The following ANKRD22 variants were observed in gnomAD, a reference collection of about 807,000 sequenced individuals.
The protein encoded by ANKRD22 is ankyrin repeat domain-containing protein 22.
In ANKRD22, 24 loss-of-function variants were observed where a neutral mutation model predicts 25.7. The ratio of observed to expected loss-of-function variants is 0.93; its 90% CI spans 0.68 to 1.31. ANKRD22 has a LOEUF of 1.31. Ranked by LOEUF, ANKRD22 falls within the 50% of genes most tolerant of loss-of-function variation. The pLI is 0.00. For missense variants in ANKRD22, 214 were observed against 227.1 expected, an observed-to-expected ratio of 0.94 and a Z score of 0.37; for synonymous variants, 84 against 84.3, an observed-to-expected ratio of 1.00 and a Z score of 0.02.
chr10:88,848,747 G>A (rs765421012), intron 1 of ANKRD22, among the ~76,000 whole-genome samples: 36 of 152,192 alleles, frequency 2.4e-4, no homozygotes, highest in Non-Finnish European at 4.9e-4. Flanking sequence ...TAAAATATAG[G>A]ATTGCTTGAC....
At chr10:88,826,737 G>C (rs1843859576) in intron 3 of ANKRD22, among the ~76,000 whole-genome samples, 1 of 152,052 alleles carries the variant, frequency 6.6e-6, no homozygotes, top group Non-Finnish European at 1.5e-5. Flanking sequence ...ACCTGACCAG[G>C]TGAAATCCCT....
chr10:88,825,841 G>A (rs914985479), intron 4 of ANKRD22, among the ~76,000 whole-genome samples, 197 bp downstream of exon 4: 1 of 152,104 alleles, frequency 6.6e-6, no homozygotes, highest in Admixed American at 6.5e-5. Flanking sequence ...ATAATCAATA[G>A]AGGTATTATT....
chr10:88,838,362 A>G (rs1657608814), intron 1 of ANKRD22, among the ~76,000 whole-genome samples: 1 of 152,188 alleles, frequency 6.6e-6, no homozygotes, highest in African/African-American at 2.4e-5. Flanking sequence ...CATTAAATTC[A>G]GTCTTAATGG....
At chr10:88,849,141 G>A (rs1028803602) in intron 1 of ANKRD22, among the ~76,000 whole-genome samples, 23 of 152,200 alleles carry the variant, frequency 1.5e-4, no homozygotes, top group African/African-American at 5.1e-4. Context: ...GCCTGTGTCT[G>A]CAACTGAAGA....
rs757417542 is a variant in ANKRD22, at chr10:88,826,047, A to G, written c.390T>C (p.Ala130=). ...MLLDAGVEVN[A]TDCYGCTALH... is the part of the protein sequence containing the mutation. ...AAAAGTATAAACTTACACAATCTGTAGCATTAACTTCGACGCCAGCATCAA... is the reference window on the plus strand; with the variant it reads ...AAAAGTATAAACTTACACAATCTGTGGCATTAACTTCGACGCCAGCATCAA... Residue 130 remains alanine (A), a synonymous_variant, in exon 4 of 6, where the codon GCT becomes GCC. Transcript: ENST00000371930. The G allele has an allele frequency of 1.2e-6, 2 of 1,611,152 alleles. No individual in the cohort carries two copies. Among genetic ancestry groups the G allele is most frequent in the Non-Finnish European group, 1.7e-6 (2 of 1,178,164 alleles).
intron 1 of ANKRD22, among the ~76,000 whole-genome samples, chr10:88,839,410 T>C (rs1432235284): frequency 6.6e-6 from 1 of 152,182 alleles, no homozygotes; most frequent in Non-Finnish European, 1.5e-5. Context: ...CCACTGCTGT[T>C]CTGCAAGCTC....
At chr10:88,831,621 C>A (rs1180447736) in intron 2 of ANKRD22, among the ~76,000 whole-genome samples, 1 of 152,162 alleles carries the variant, frequency 6.6e-6, no homozygotes, top group East Asian at 1.9e-4. Flanking sequence ...TAATTTATCA[C>A]AAATTATGCC....
At chr10:88,830,927 C>G (rs1843897585) in intron 2 of ANKRD22, among the ~76,000 whole-genome samples, 1 of 152,230 alleles carries the variant, frequency 6.6e-6, no homozygotes, top group Non-Finnish European at 1.5e-5. Context: ...CCATTCAGCA[C>G]AGGCATGACT....
chr10:88,838,769 C>T (rs1369539743), intron 1 of ANKRD22, among the ~76,000 whole-genome samples: 1 of 152,054 alleles, frequency 6.6e-6, no homozygotes, highest in Non-Finnish European at 1.5e-5. Context: ...GAAATTGAAC[C>T]ATGGTCAAAA....
chr10:88,822,924 C>T lies in ANKRD22; in HGVS notation c.*17G>A, dbSNP rs372849302. 2.8e-5 allele frequency: 44 copies of T among 1,592,552 alleles called. No individual in the cohort carries two copies. The highest frequency in any genetic ancestry group is 4.4e-5 in the South Asian group (4 of 90,360). On this transcript the variant is annotated 3_prime_UTR_variant, in exon 6 of 6. Coordinates refer to ENST00000371930, the MANE Select transcript of ANKRD22 (RefSeq NM_144590.3). ...TCGTTAACTTTTTCTGTATCTCCAT[C>T]GGTGTGGTCACAAGGATTACAATGC...
rs1245207776 is a variant in ANKRD22 at position 88,820,290 on chromosome 10, G to A, written c.*2651C>T. ...ACGGTCCCTACAGCAATGTGGACAG[G>A]AGGTCAGGACTGGCTTTCAAATCCA... On this transcript the variant is annotated 3_prime_UTR_variant, in exon 6 of 6. Coordinates refer to ENST00000371930, the MANE Select transcript of ANKRD22 (RefSeq NM_144590.3). The A allele has an allele frequency of 6.4e-6, 10 of 1,551,946 alleles. No individual in the cohort carries two copies. The Admixed American group carries it at 7.8e-5, about 12-fold the overall frequency.
Position 88,821,567 on chromosome 10 carries a change from T to C in ANKRD22, c.*1374A>G, listed in dbSNP as rs1843794970. ...AGGGTCACCTGGTAGCTCAGCTCAA[T>C]GCCAGTGAATCTTAATTTATTAAGA... On this transcript the variant is annotated 3_prime_UTR_variant, in exon 6 of 6. Transcript: ENST00000371930. Among the ~76,000 whole-genome samples, 1 of 152,232 alleles carries C rather than the reference T, an allele frequency of 6.6e-6. No individual in the cohort carries two copies. The highest frequency in any genetic ancestry group is 6.5e-5 in the Admixed American group (1 of 15,286).
At chr10:88,831,375 A>G (rs1462411534) in intron 2 of ANKRD22, among the ~76,000 whole-genome samples, 1 of 152,208 alleles carries the variant, frequency 6.6e-6, no homozygotes, top group African/African-American at 2.4e-5. Context: ...AAATTTCTCA[A>G]TAGTACTCTT....
At chr10:88,842,749 T>A (rs538765024) in intron 1 of ANKRD22, among the ~76,000 whole-genome samples, 2 of 152,198 alleles carry the variant, frequency 1.3e-5, no homozygotes, top group South Asian at 2.1e-4. Context: ...AGTGAACCTA[T>A]AAAAACAACT....
Position 88,822,901 on chromosome 10 carries a change from GTTAAC to G in ANKRD22, c.*35_*39del. On this transcript the variant is annotated 3_prime_UTR_variant, in exon 6 of 6. Coordinates refer to ENST00000371930, the MANE Select transcript of ANKRD22 (RefSeq NM_144590.3). ...TCTAAAATGAAGATAGAATCCAGTCGTTAACTTTTTCTGTATCTCCATCGGTGTGG... is the reference window on the plus strand; with the variant it reads ...TCTAAAATGAAGATAGAATCCAGTCGTTTTTCTGTATCTCCATCGGTGTGG... 6.4e-7 allele frequency: 1 copy of G among 1,555,828 alleles called. No homozygotes were observed. Among genetic ancestry groups the G allele is most frequent in the South Asian group, 1.1e-5 (1 of 88,844 alleles).
At position 88,839,156 on chromosome 10, in the gene ANKRD22, G is replaced by A. The variant is rs151237282; in HGVS notation, c.22-7130C>T. Reference sequence around the variant, plus strand: ...TACACTTGCATGTGACCTATATGGCGGGCTTCCTGCTAGGCCAGATCAAGT... The same window carrying A: ...TACACTTGCATGTGACCTATATGGCAGGCTTCCTGCTAGGCCAGATCAAGT... On this transcript the variant is annotated intron_variant, in intron 1 of 5. Transcript: ENST00000371930. Among the ~76,000 whole-genome samples, 60 of 152,148 alleles carry A rather than the reference G, an allele frequency of 3.9e-4. 1 individual carries two copies. In the Middle Eastern group the frequency reaches 0.01, roughly 26 times the overall value.
chr10:88,826,982 A>G (rs1015345848), intron 3 of ANKRD22, among the ~76,000 whole-genome samples: 5 of 152,232 alleles, frequency 3.3e-5, no homozygotes, highest in African/African-American at 1.2e-4. Flanking sequence ...AATGAAATGA[A>G]CTAGGACTCC....
At position 88,825,426 on chromosome 10, in the gene ANKRD22, T is replaced by C. The variant is rs572309219; in HGVS notation, c.399+612A>G. 5.3e-5 allele frequency among the ~76,000 whole-genome samples: 8 copies of C among 152,376 alleles called. No homozygotes were observed. In the South Asian group the frequency reaches 8.3e-4, roughly 16 times the overall value. Reference sequence around the variant, plus strand: ...TGAGCGGATGCTGCTACTGTTGTTATCACTGCTCTTACCATCAGTGGGATT... The same window carrying C: ...TGAGCGGATGCTGCTACTGTTGTTACCACTGCTCTTACCATCAGTGGGATT... On this transcript the variant is annotated intron_variant, in intron 4 of 5. Transcript: ENST00000371930.
chr10:88,824,602 C>A (rs188362229), intron 4 of ANKRD22, among the ~76,000 whole-genome samples: 77 of 152,234 alleles, frequency 5.1e-4, no homozygotes, highest in Non-Finnish European at 9.1e-4. Context: ...TGTGTGTGTA[C>A]CTGCATGTGT....
Sources: gnomAD v4.1 joint callset for allele counts (sites outside exome capture counted in the v4.1 genomes callset) on GRCh38, gnomAD v4.1.1 for gene constraint, MANE v1.5 for transcripts, NCBI Gene and HGNC (gene_info 2026-07-23, HGNC 2026-07-21) for gene names.